Variants in RFWD3 observed in about 807,000 individuals in gnomAD.
RFWD3 encodes E3 ubiquitin-protein ligase RFWD3.
A neutral mutation model predicts 87.7 loss-of-function variants in RFWD3; 65 were observed. The ratio of observed to expected loss-of-function variants is 0.74; its 90% CI spans 0.61 to 0.91. RFWD3 has a LOEUF of 0.91. RFWD3 is among the 40% of genes least tolerant of loss of function. The pLI, the probability that RFWD3 is intolerant of heterozygous loss-of-function variation, is 0.00. For synonymous variants in RFWD3, 433 were observed against 352.8 expected (o/e 1.23, Z -2.55); for missense variants, 1,078 against 938.5 (o/e 1.15, Z -1.94).
chr16:74,660,179 T>C (rs1169542174), intron 2 of RFWD3, among the ~76,000 whole-genome samples: 3 of 152,050 alleles, frequency 2.0e-5, no homozygotes, highest in African/African-American at 7.2e-5. Context: ...ACTCCTCTAT[T>C]CTATAGTTAT....
intron 2 of RFWD3, among the ~76,000 whole-genome samples, chr16:74,656,305 T>C (rs9746765): frequency 0.79 from 86,681 of 109,816 alleles, 32,526 homozygotes; most frequent in African/African-American, 0.87. Context: ...GACCTTGTCT[T>C]GCCAAAAAAA....
chr16:74,637,906 G>C lies in RFWD3; in HGVS notation c.1144C>G (p.Gln382Glu), dbSNP rs1261727647. 2 of 1,612,866 alleles carry C rather than the reference G, an allele frequency of 1.2e-6. No individual in the cohort carries two copies. Among genetic ancestry groups the C allele is most frequent in the Admixed American group, 3.3e-5 (2 of 59,994 alleles). ...AELESAQCRL[Q>E]LQVLTDKCTR... ...CACTTATCAGTGAGGACCTGCAGTT[G>C]GAGTCGGCACTGTGCTGATTCTAAC... Residue 382 changes from glutamine (Q) to glutamate (E), a missense_variant, in exon 7 of 13, where the codon CAA becomes GAA. Transcript: ENST00000361070.
At chr16:74,656,056 C>T (rs1960951454) in intron 2 of RFWD3, among the ~76,000 whole-genome samples, 1 of 152,030 alleles carries the variant, frequency 6.6e-6, no homozygotes, top group African/African-American at 2.4e-5. Flanking sequence ...ACTTTCAAGA[C>T]TTATTATTTA....
At chr16:74,658,992 T>C (rs1961218233) in intron 2 of RFWD3, among the ~76,000 whole-genome samples, 1 of 152,096 alleles carries the variant, frequency 6.6e-6, no homozygotes, top group Non-Finnish European at 1.5e-5. Flanking sequence ...ACTCCTGGCC[T>C]AAAGGGATCC....
Position 74,661,142 on chromosome 16 carries a change from C to T in RFWD3, c.308G>A (p.Arg103Lys). The T allele has an allele frequency of 6.2e-7, 1 of 1,614,176 alleles. No homozygotes were observed. The highest frequency in any genetic ancestry group is 1.6e-4 in the Middle Eastern group (1 of 6,062). ...NINPRTSEQH[R>K]QGSDGNHTIP... ...GGTGTGATTACCATCAGATCCCTGC[C>T]TATGTTGTTCTGAAGTTCTTGGATT... is the stretch of plus-strand genomic sequence containing the variant. The change falls in exon 2 of 13, where the codon AGG (arginine) becomes AAG (lysine). Residue 103 changes from arginine to lysine, a missense_variant. Transcript: ENST00000361070.
intron 6 of RFWD3, 88 bp downstream of exon 6, chr16:74,644,274 A>G: frequency 1.6e-6 from 2 of 1,268,020 alleles, no homozygotes; most frequent in South Asian, 2.4e-5. Context: ...GTAAAACCTC[A>G]CTACGAGTGA....
chr16:74,643,177 A>C (rs1278968304), intron 6 of RFWD3, among the ~76,000 whole-genome samples: 1 of 151,948 alleles, frequency 6.6e-6, no homozygotes, highest in South Asian at 2.1e-4. Flanking sequence ...TACAGATAGG[A>C]TCTATGTTGG....
chr16:74,656,564 C>A (rs1255857335), intron 2 of RFWD3, among the ~76,000 whole-genome samples: 1 of 151,824 alleles, frequency 6.6e-6, no homozygotes, highest in Admixed American at 6.6e-5. Context: ...CTCATTGGAA[C>A]CTTTCACCCC....
intron 1 of RFWD3, among the ~76,000 whole-genome samples, chr16:74,662,821 G>A (rs72792723): frequency 6.6e-6 from 1 of 152,260 alleles, no homozygotes; most frequent in Non-Finnish European, 1.5e-5. Flanking sequence ...GTCCAGACCA[G>A]AGGTCAGAGA....
At chr16:74,633,206 G>A (rs918690769) in intron 8 of RFWD3, among the ~76,000 whole-genome samples, 3 of 151,376 alleles carry the variant, frequency 2.0e-5, no homozygotes, top group Admixed American at 6.6e-5. Context: ...GAACCCAGGA[G>A]GCGGAGGTTG....
At chr16:74,625,958 G>A (rs1041170875) in intron 12 of RFWD3, among the ~76,000 whole-genome samples, 1 of 152,110 alleles carries the variant, frequency 6.6e-6, no homozygotes, top group African/African-American at 2.4e-5. Context: ...GGCCAAGGCC[G>A]GCAGATCACT....
At chr16:74,639,170 T>A (rs1959419862) in intron 6 of RFWD3, among the ~76,000 whole-genome samples, 1 of 151,920 alleles carries the variant, frequency 6.6e-6, no homozygotes, top group African/African-American at 2.4e-5. Context: ...CCCAAGTAGC[T>A]GAGATGACCG....
intron 2 of RFWD3, among the ~76,000 whole-genome samples, chr16:74,657,044 G>C (rs1451148324): frequency 6.6e-6 from 1 of 152,086 alleles, no homozygotes; most frequent in East Asian, 1.9e-4. Context: ...GCAGGCCCCA[G>C]GGAAAATGAT....
intron 11 of RFWD3, among the ~76,000 whole-genome samples, chr16:74,627,614 G>C (rs774178387): frequency 6.6e-6 from 1 of 152,162 alleles, no homozygotes; most frequent in Non-Finnish European, 1.5e-5. Context: ...CTCTTCTAGA[G>C]AGTCACTATC....
chr16:74,639,039 T>A (rs1959398722), intron 6 of RFWD3, among the ~76,000 whole-genome samples: 1 of 28,462 alleles, frequency 3.5e-5, no homozygotes, highest in Non-Finnish European at 6.0e-5. Flanking sequence ...GCTAAGACTT[T>A]TTTTTTTTTT....
intron 1 of RFWD3, 156 bp downstream of exon 1, chr16:74,666,630 C>T (rs1185910918): frequency 1.3e-5 from 2 of 152,336 alleles, no homozygotes; most frequent in African/African-American, 4.8e-5. Context: ...GGCGCCGCCC[C>T]GAGGGCCCGA....
intron 4 of RFWD3, among the ~76,000 whole-genome samples, chr16:74,645,228 T>C (rs1960028223): frequency 6.6e-6 from 1 of 152,240 alleles, no homozygotes; most frequent in South Asian, 2.1e-4. Context: ...GACATGCTTA[T>C]ATACTGTTGC....
intron 1 of RFWD3, chr16:74,666,187 T>C (rs774808048): frequency 5.1e-5 from 3 of 58,854 alleles, no homozygotes; most frequent in African/African-American, 1.1e-4. Context: ...ACAGATTAGA[T>C]AGATAGATAG....
chr16:74,638,250 T>C (rs921149909), intron 6 of RFWD3, among the ~76,000 whole-genome samples: 2 of 151,908 alleles, frequency 1.3e-5, no homozygotes, highest in Admixed American at 6.6e-5. Context: ...CTACGGCAAA[T>C]TGTAAAAGAT....
Sources: allele counts gnomAD v4.1 joint callset (sites outside exome capture counted in the v4.1 genomes callset), GRCh38; gene constraint gnomAD v4.1.1; transcripts MANE v1.5; gene names NCBI Gene and HGNC (gene_info 2026-07-23, HGNC 2026-07-21).